The following CCSER1 variants were observed in gnomAD, a reference collection of about 807,000 sequenced individuals.
CCSER1 encodes the protein coiled-coil serine rich protein 1.
CCSER1 carries 41 observed loss-of-function variants against 82.0 expected under a neutral mutation model. The observed-to-expected ratio is 0.50, with a 90% CI of 0.39 to 0.65. The LOEUF is 0.65. Ranked by LOEUF, CCSER1 falls within the 30% of genes least tolerant of loss-of-function variation. The pLI is 0.00. For missense variants in CCSER1, 1,119 were observed against 1,064.2 expected, an observed-to-expected ratio of 1.05 and a Z score of -0.72; for synonymous variants, 414 against 383.9, an observed-to-expected ratio of 1.08 and a Z score of -0.92.
At chr4:91,385,723 C>A (rs1751243568) in intron 10 of CCSER1, among the ~76,000 whole-genome samples, 1 of 151,454 alleles carries the variant, frequency 6.6e-6, no homozygotes, top group Non-Finnish European at 1.5e-5. Flanking sequence ...GAAAAGTGGA[C>A]AAAAAACTTC....
intron 10 of CCSER1, among the ~76,000 whole-genome samples, chr4:91,174,790 G>T (rs1422833982): frequency 1.3e-5 from 2 of 149,426 alleles, no homozygotes; most frequent in Non-Finnish European, 3.0e-5. Flanking sequence ...GCTCCTCCTA[G>T]GCCCCATGCT....
At chr4:90,417,369 A>C (rs1344249450) in intron 4 of CCSER1, among the ~76,000 whole-genome samples, 2 of 152,170 alleles carry the variant, frequency 1.3e-5, no homozygotes, top group African/African-American at 2.4e-5. Flanking sequence ...AAAAATTATT[A>C]ACCATTAATA....
intron 10 of CCSER1, among the ~76,000 whole-genome samples, chr4:91,559,658 C>G (rs1452349745): frequency 2.0e-5 from 3 of 151,416 alleles, no homozygotes; most frequent in African/African-American, 4.8e-5. Context: ...CAAGAGATAT[C>G]TTAATTGCCT....
At chr4:91,120,775 T>A (rs568678651) in intron 10 of CCSER1, among the ~76,000 whole-genome samples, 1 of 151,934 alleles carries the variant, frequency 6.6e-6, no homozygotes, top group East Asian at 1.9e-4. Flanking sequence ...CTGGGCTATG[T>A]TTATAAGTCC....
At chr4:90,699,924 G>A (rs1277105838) in intron 6 of CCSER1, among the ~76,000 whole-genome samples, 2 of 151,678 alleles carry the variant, frequency 1.3e-5, no homozygotes, top group East Asian at 3.9e-4. Context: ...CACCGTCTAT[G>A]AGCCAGAAAA....
intron 8 of CCSER1, among the ~76,000 whole-genome samples, chr4:90,829,071 T>C (rs1028438050): frequency 5.3e-5 from 8 of 152,064 alleles, no homozygotes; most frequent in Non-Finnish European, 8.8e-5. Context: ...AAAACAGAGC[T>C]ATGAAATGAT....
At chr4:90,954,611 G>T (rs552070351) in intron 9 of CCSER1, among the ~76,000 whole-genome samples, 1 of 152,044 alleles carries the variant, frequency 6.6e-6, no homozygotes, top group Non-Finnish European at 1.5e-5. Context: ...AGTGCTTTCA[G>T]CTTCCACTTA....
chr4:90,573,293 G>A (rs148391553), intron 5 of CCSER1, among the ~76,000 whole-genome samples: 84 of 152,346 alleles, frequency 5.5e-4, no homozygotes, highest in African/African-American at 1.9e-3. Flanking sequence ...CTGGGGCAGG[G>A]CAGAAGCTTG....
At chr4:90,889,168 A>C (rs1722598105) in intron 8 of CCSER1, among the ~76,000 whole-genome samples, 1 of 152,196 alleles carries the variant, frequency 6.6e-6, no homozygotes, top group Non-Finnish European at 1.5e-5. Context: ...AATTCCATTT[A>C]CAAATGATTT....
At chr4:90,919,768 A>G (rs181116197) in intron 8 of CCSER1, among the ~76,000 whole-genome samples, 1 of 152,078 alleles carries the variant, frequency 6.6e-6, no homozygotes, top group Non-Finnish European at 1.5e-5. Context: ...AAACCTCCAC[A>G]TATTCAGGAC....
chr4:90,284,640 T>C lies in CCSER1; in HGVS notation c.-41-23604T>C, dbSNP rs368863903. Among the ~76,000 whole-genome samples, 668 of 151,806 alleles carry C rather than the reference T, an allele frequency of 4.4e-3. 5 individuals carry two copies. The highest frequency in any genetic ancestry group is 0.015 in the African/African-American group (639 of 41,468). On this transcript the variant is annotated intron_variant, in intron 1 of 10. Coordinates refer to ENST00000509176, the MANE Select transcript of CCSER1 (RefSeq NM_001145065.2). ...TCTGGAGTAGCTGGGACCACAGGCATGTGCCACCATGCCTGCCTAATTTTT... is the reference window on the plus strand; with the variant it reads ...TCTGGAGTAGCTGGGACCACAGGCACGTGCCACCATGCCTGCCTAATTTTT...
At chr4:90,346,120 A>C (rs1011781871) in intron 3 of CCSER1, among the ~76,000 whole-genome samples, 2 of 152,066 alleles carry the variant, frequency 1.3e-5, no homozygotes, top group African/African-American at 4.8e-5. Flanking sequence ...ATGAAGTTAA[A>C]ACACATTTTA....
At chr4:90,969,893 TAA>T (rs1734923691) in intron 9 of CCSER1, among the ~76,000 whole-genome samples, 1 of 150,214 alleles carries the variant, frequency 6.7e-6, no homozygotes, top group Non-Finnish European at 1.5e-5. Context: ...TTATACAATA[TAA>T]AAAGAAGAAC....
chr4:90,452,091 C>T (rs916143866), intron 4 of CCSER1, among the ~76,000 whole-genome samples: 4 of 152,190 alleles, frequency 2.6e-5, no homozygotes, highest in Admixed American at 6.5e-5. Context: ...AGGAGAGAGG[C>T]GTACTCTCAA....
chr4:91,231,764 A>G (rs1738647383), intron 10 of CCSER1, among the ~76,000 whole-genome samples: 1 of 151,828 alleles, frequency 6.6e-6, no homozygotes, highest in South Asian at 2.1e-4. Context: ...TAAAATCACA[A>G]TAATATCCAG....
chr4:91,172,814 A>G (rs1231847817), intron 10 of CCSER1, among the ~76,000 whole-genome samples: 1 of 124,162 alleles, frequency 8.1e-6, no homozygotes, highest in African/African-American at 2.9e-5. Context: ...CTAACATAAT[A>G]AATAAACTGT....
chr4:90,549,989 A>G (rs1579102854), intron 5 of CCSER1, among the ~76,000 whole-genome samples: 1 of 152,230 alleles, frequency 6.6e-6, no homozygotes, highest in East Asian at 1.9e-4. Flanking sequence ...CTGGGCAACT[A>G]AGATTATTGT....
chr4:90,475,082 T>C (rs1226846400), intron 5 of CCSER1, among the ~76,000 whole-genome samples: 1 of 152,160 alleles, frequency 6.6e-6, no homozygotes, highest in Non-Finnish European at 1.5e-5. Flanking sequence ...GCACTTTGCA[T>C]AAAATTCCTG....
At chr4:90,740,050 C>T (rs77173714) in intron 7 of CCSER1, among the ~76,000 whole-genome samples, 28,912 of 152,014 alleles carry the variant, frequency 0.19, 3,337 homozygotes, top group South Asian at 0.27. Flanking sequence ...CATATTGCTC[C>T]GCCTTCGTCA....
Sources: allele counts gnomAD v4.1 joint callset (sites outside exome capture counted in the v4.1 genomes callset), GRCh38; gene constraint gnomAD v4.1.1; transcripts MANE v1.5; gene names NCBI Gene and HGNC (gene_info 2026-07-23, HGNC 2026-07-21).